PRKAR1A: variants seen among roughly 807,000 people sequenced by gnomAD.
The protein encoded by PRKAR1A is cAMP-dependent protein kinase type I-alpha regulatory subunit.
In PRKAR1A, 3 loss-of-function variants were observed where a neutral mutation model predicts 52.0. The observed-to-expected ratio is 0.06, with a 90% CI of 0.03 to 0.15. The LOEUF is 0.15. Among genes scored for constraint, PRKAR1A ranks in the 10% least tolerant of loss-of-function variants. The probability of loss-of-function intolerance (pLI) is 1.00; values close to 1 mark genes in which losing one functional copy is unlikely to be tolerated. For synonymous variants in PRKAR1A, 188 were observed against 168.4 expected, an observed-to-expected ratio of 1.12 and a Z score of -0.90; for missense variants, 240 against 477.4, an observed-to-expected ratio of 0.50 and a Z score of 4.63.
the PRKAR1A span, among the ~76,000 whole-genome samples, chr17:68,494,101 A>G: frequency 1.3e-5 from 2 of 152,256 alleles, no homozygotes; most frequent in African/African-American, 2.4e-5. Flanking sequence ...TTAAAAATAT[A>G]TAATCAAAAA....
At chr17:68,497,428 T>C in the PRKAR1A span, among the ~76,000 whole-genome samples, 2 of 152,184 alleles carry the variant, frequency 1.3e-5, no homozygotes, top group East Asian at 3.8e-4. Flanking sequence ...ATATGCTGTA[T>C]CTGGGCTGTC....
the PRKAR1A span, chr17:68,422,142 T>C: frequency 3.7e-6 from 1 of 269,896 alleles, no homozygotes; most frequent in East Asian, 7.1e-5. Flanking sequence ...AAAAAGTCAG[T>C]TTAGGCTGGG....
At chr17:68,517,507 G>T (rs1370849012) in intron 2 of PRKAR1A, among the ~76,000 whole-genome samples, 1 of 152,184 alleles carries the variant, frequency 6.6e-6, no homozygotes, top group Non-Finnish European at 1.5e-5. Flanking sequence ...GCAAGGAGAA[G>T]TACAGAGCAA....
chr17:68,535,662 A>G, downstream of PRKAR1A: 1 of 446,930 alleles, frequency 2.2e-6, no homozygotes, highest in Non-Finnish European at 4.4e-6. Context: ...AGTTGATTTA[A>G]AAAAAAATTT....
chr17:68,492,526 T>C, the PRKAR1A span, among the ~76,000 whole-genome samples: 2 of 152,168 alleles, frequency 1.3e-5, no homozygotes, highest in Non-Finnish European at 2.9e-5. Context: ...AGAAGAAAAC[T>C]GTACAGGGGT....
the PRKAR1A span, chr17:68,420,532 T>C: frequency 6.6e-7 from 1 of 1,524,572 alleles, no homozygotes; most frequent in South Asian, 1.2e-5. Flanking sequence ...AATTTCATTT[T>C]TACCCTCTTT....
At chr17:68,487,646 CAA>C in the PRKAR1A span, among the ~76,000 whole-genome samples, 3 of 151,766 alleles carry the variant, frequency 2.0e-5, no homozygotes, top group East Asian at 3.9e-4. Context: ...ACTAAAAACA[CAA>C]AAATTAGCCG....
At chr17:68,506,655 T>C in the PRKAR1A span, among the ~76,000 whole-genome samples, 3 of 152,196 alleles carry the variant, frequency 2.0e-5, no homozygotes, top group Admixed American at 1.3e-4. Flanking sequence ...GGCTAATTTT[T>C]GTATTTTTAG....
intron 11 of PRKAR1A, chr17:68,543,568 C>G (rs1174003844): frequency 6.8e-7 from 1 of 1,467,126 alleles, no homozygotes; most frequent in Non-Finnish European, 9.6e-7. Flanking sequence ...GTCTGTCTAG[C>G]CACCCCTCCC....
At chr17:68,489,234 AGTAT>A in the PRKAR1A span, among the ~76,000 whole-genome samples, 1 of 20,594 alleles carries the variant, frequency 4.9e-5, no homozygotes, top group Non-Finnish European at 7.9e-5. Context: ...ATATATGGAA[AGTAT>A]ATATATATAT....
the PRKAR1A span, among the ~76,000 whole-genome samples, chr17:68,453,398 C>T: frequency 6.6e-5 from 10 of 152,104 alleles, no homozygotes; most frequent in African/African-American, 9.7e-5. Flanking sequence ...AGGCACTTTA[C>T]CAGATAAATC....
At chr17:68,509,655 T>C (rs912172598), upstream of PRKAR1A, among the ~76,000 whole-genome samples, 4 of 152,138 alleles carry the variant, frequency 2.6e-5, no homozygotes, top group Non-Finnish European at 5.9e-5. Context: ...TACCAACAAG[T>C]TGGTATTCTC....
At chr17:68,518,272 A>G (rs2085493556) in intron 2 of PRKAR1A, among the ~76,000 whole-genome samples, 1 of 151,846 alleles carries the variant, frequency 6.6e-6, no homozygotes. Context: ...TGCAGTGGGG[A>G]CTCGGTGTGG....
chr17:68,539,348 G>T, intron 11 of PRKAR1A: 1 of 1,614,170 alleles, frequency 6.2e-7, no homozygotes, highest in Non-Finnish European at 8.5e-7. Flanking sequence ...TGCAGCACTG[G>T]GAGAGAGGCG....
the PRKAR1A span, among the ~76,000 whole-genome samples, chr17:68,475,385 A>T: frequency 2.0e-5 from 3 of 152,264 alleles, no homozygotes; most frequent in Non-Finnish European, 4.4e-5. Context: ...AGCAAGCAAC[A>T]GCAGGATGAG....
At chr17:68,474,176 T>G in the PRKAR1A span, among the ~76,000 whole-genome samples, 1 of 152,198 alleles carries the variant, frequency 6.6e-6, no homozygotes, top group Non-Finnish European at 1.5e-5. Context: ...CATAGCTATA[T>G]ATAGTTTAGG....
intron 9 of PRKAR1A, 63 bp downstream of exon 9, chr17:68,529,054 A>G (rs1020495990): frequency 6.3e-7 from 1 of 1,599,838 alleles, no homozygotes; most frequent in South Asian, 1.1e-5. Flanking sequence ...TTAATACTTT[A>G]AAAAGTTGTA....
At chr17:68,492,948 C>T in the PRKAR1A span, among the ~76,000 whole-genome samples, 105 of 152,284 alleles carry the variant, frequency 6.9e-4, no homozygotes, top group Non-Finnish European at 1.2e-3. Flanking sequence ...GTCTTTGTTA[C>T]TGTGCATAGT....
the PRKAR1A span, among the ~76,000 whole-genome samples, chr17:68,472,708 G>C: frequency 6.6e-6 from 1 of 152,106 alleles, no homozygotes; most frequent in Non-Finnish European, 1.5e-5. Flanking sequence ...CACTTTGGGA[G>C]GCCGAGGTGG....
Sources: allele counts gnomAD v4.1 joint callset (sites outside exome capture counted in the v4.1 genomes callset), GRCh38; gene constraint gnomAD v4.1.1; transcripts MANE v1.5; gene names NCBI Gene and HGNC (gene_info 2026-07-23, HGNC 2026-07-21).